Variants in AFF3 observed in about 807,000 individuals in gnomAD.
AFF3 encodes AF4/FMR2 family member 3.
In AFF3, 32 loss-of-function variants were observed where a neutral mutation model predicts 129.7. That is an observed-to-expected ratio of 0.25 (90% CI 0.19 to 0.33). The LOEUF (loss-of-function observed/expected upper bound fraction) is 0.33. Among genes scored for constraint, AFF3 ranks in the 10% least tolerant of loss-of-function variants. The pLI is 1.00. For synonymous variants in AFF3, 644 were observed against 635.4 expected (o/e 1.01, Z -0.20); for missense variants, 1,373 against 1,592.0 (o/e 0.86, Z 2.34).
chr2:99,961,875 G>A (rs1677249121), intron 7 of AFF3, among the ~76,000 whole-genome samples: 1 of 152,180 alleles, frequency 6.6e-6, no homozygotes, highest in Non-Finnish European at 1.5e-5. Flanking sequence ...CAGGAGGGGT[G>A]GAATCCGCAA....
At chr2:99,818,074 A>AAT (rs1687380974) in intron 8 of AFF3, among the ~76,000 whole-genome samples, 1 of 152,190 alleles carries the variant, frequency 6.6e-6, no homozygotes, top group African/African-American at 2.4e-5. Context: ...TAATATACCC[A>AAT]ATACAGGTTG....
rs1382713208 is a variant in AFF3, at chr2:100,008,908, T to C, written c.78A>G (p.Ala26=). The change falls in exon 5 of 25, where the codon GCA becomes GCG. Residue 26 remains alanine (A), a synonymous_variant. Coordinates refer to ENST00000672756, the MANE Select transcript of AFF3 (RefSeq NM_001386135.1). The stretch of plus-strand genomic sequence containing the variant: ...TTCTTTCTCGTTCTTTCCTCCGTAA[T>C]GCATTTCTATCTGGTTCATAGACAC... ...SLCVYEPDRN[A]LRRKERERRN... 1.2e-6 allele frequency: 2 copies of C among 1,614,026 alleles called. No individual in the cohort carries two copies. Among genetic ancestry groups the C allele is most frequent in the Non-Finnish European group, 1.7e-6 (2 of 1,179,962 alleles).
At chr2:100,019,691 C>T (rs942120843) in intron 4 of AFF3, among the ~76,000 whole-genome samples, 3 of 152,152 alleles carry the variant, frequency 2.0e-5, no homozygotes, top group Non-Finnish European at 2.9e-5. Flanking sequence ...CAGAGCAGCC[C>T]CTGTGGTCAC....
intron 11 of AFF3, among the ~76,000 whole-genome samples, chr2:99,682,479 A>T (rs1341528400): frequency 6.6e-6 from 1 of 152,248 alleles, no homozygotes; most frequent in Non-Finnish European, 1.5e-5. Flanking sequence ...ATTCTTCAGT[A>T]GTTGTTTTGA....
intron 11 of AFF3, among the ~76,000 whole-genome samples, chr2:99,691,268 G>A (rs1229229782): frequency 2.6e-5 from 4 of 152,154 alleles, no homozygotes; most frequent in East Asian, 3.8e-4. Context: ...GGAGGAAAAG[G>A]TTCAAGGGGA....
intron 4 of AFF3, among the ~76,000 whole-genome samples, chr2:100,099,581 G>C (rs1690562022): frequency 1.3e-5 from 2 of 151,836 alleles, no homozygotes; most frequent in Admixed American, 1.3e-4. Flanking sequence ...TTCTACTCCA[G>C]GACCCATTTC....
intron 7 of AFF3, among the ~76,000 whole-genome samples, chr2:99,882,391 G>A (rs1355962211): frequency 6.6e-6 from 1 of 152,180 alleles, no homozygotes; most frequent in Non-Finnish European, 1.5e-5. Flanking sequence ...CCAGAGGGAG[G>A]GTAGAAACTA....
intron 7 of AFF3, among the ~76,000 whole-genome samples, chr2:100,002,065 A>G (rs2104692118): frequency 6.6e-6 from 1 of 152,342 alleles, no homozygotes; most frequent in Non-Finnish European, 1.5e-5. Flanking sequence ...GGGAAAGATG[A>G]CACCACGACA....
At chr2:99,981,679 C>G (rs1679418628) in intron 7 of AFF3, among the ~76,000 whole-genome samples, 1 of 152,132 alleles carries the variant, frequency 6.6e-6, no homozygotes, top group Non-Finnish European at 1.5e-5. Context: ...GGACCTTTCC[C>G]TATTGTTTTT....
At chr2:100,018,520 G>A (rs1157696137) in intron 4 of AFF3, among the ~76,000 whole-genome samples, 1 of 152,170 alleles carries the variant, frequency 6.6e-6, no homozygotes, top group African/African-American at 2.4e-5. Context: ...ACAAGTGTCA[G>A]GCTCTAATGG....
chr2:99,660,083 A>G (rs1026552566), intron 12 of AFF3, among the ~76,000 whole-genome samples: 4 of 152,076 alleles, frequency 2.6e-5, no homozygotes, highest in African/African-American at 9.7e-5. Context: ...GTCATTTCCT[A>G]TTTTGTTCAG....
At chr2:100,107,066 G>A in intron 2 of AFF3, 1 of 985,440 alleles carries the variant, frequency 1.0e-6, no homozygotes, top group Non-Finnish European at 1.2e-6. Flanking sequence ...TTTAGGAATA[G>A]CCATGATTTT....
At chr2:99,684,934 T>C (rs1190862102) in intron 11 of AFF3, among the ~76,000 whole-genome samples, 1 of 139,680 alleles carries the variant, frequency 7.2e-6, no homozygotes, top group Non-Finnish European at 1.6e-5. Context: ...GGACTTTTTC[T>C]TTCTTTCTTT....
intron 13 of AFF3, among the ~76,000 whole-genome samples, chr2:99,616,901 T>A (rs1681492570): frequency 6.6e-6 from 1 of 152,214 alleles, no homozygotes; most frequent in Admixed American, 6.5e-5. Flanking sequence ...AGACATGGAA[T>A]GATGTAAGTA....
At chr2:100,071,518 G>A (rs547282260) in intron 4 of AFF3, among the ~76,000 whole-genome samples, 1 of 152,244 alleles carries the variant, frequency 6.6e-6, no homozygotes, top group East Asian at 1.9e-4. Flanking sequence ...CTTTACCCAC[G>A]AAACACGTCG....
intron 7 of AFF3, among the ~76,000 whole-genome samples, chr2:100,005,103 C>CCA (rs1208346383): frequency 3.9e-5 from 6 of 152,130 alleles, no homozygotes; most frequent in African/African-American, 1.4e-4. Flanking sequence ...TAACCAGACA[C>CCA]CATACACAGC....
chr2:99,579,894 T>C (rs1344322798), intron 17 of AFF3, among the ~76,000 whole-genome samples: 1 of 152,258 alleles, frequency 6.6e-6, no homozygotes, highest in East Asian at 1.9e-4. Context: ...AAATGGTTTC[T>C]CTGAAGTAAT....
intron 4 of AFF3, among the ~76,000 whole-genome samples, chr2:100,060,208 G>A (rs1034917259): frequency 6.6e-6 from 1 of 152,090 alleles, no homozygotes; most frequent in African/African-American, 2.4e-5. Context: ...TGAAGAAGTT[G>A]GAAAAATACA....
chr2:99,977,143 G>T (rs1326157555), intron 7 of AFF3, among the ~76,000 whole-genome samples: 1 of 152,224 alleles, frequency 6.6e-6, no homozygotes, highest in African/African-American at 2.4e-5. Flanking sequence ...TGGCTTGGAT[G>T]TGGCTTTGTC....
Sources: gnomAD v4.1 joint callset for allele counts (sites outside exome capture counted in the v4.1 genomes callset) on GRCh38, gnomAD v4.1.1 for gene constraint, MANE v1.5 for transcripts, NCBI Gene and HGNC (gene_info 2026-07-23, HGNC 2026-07-21) for gene names.